SCHIP1: variants seen among roughly 807,000 people sequenced by gnomAD.
SCHIP1 encodes schwannomin interacting protein 1, also known as schwannomin-interacting protein 1.
A neutral mutation model predicts 29.7 loss-of-function variants in SCHIP1; 8 were observed. The observed-to-expected ratio is 0.27, with a 90% confidence interval of 0.16 to 0.49. The LOEUF (loss-of-function observed/expected upper bound fraction) is 0.49, where lower values mean the gene tolerates loss of function less well. Among genes scored for constraint, SCHIP1 ranks in the 20% least tolerant of loss-of-function variants. The pLI is 0.99. For missense variants in SCHIP1, 193 were observed against 294.6 expected (o/e 0.66, Z 2.52); for synonymous variants, 76 against 94.9 (o/e 0.80, Z 1.16).
At chr3:159,329,699 T>A in the SCHIP1 span, among the ~76,000 whole-genome samples, 1 of 152,206 alleles carries the variant, frequency 6.6e-6, no homozygotes, top group African/African-American at 2.4e-5. Flanking sequence ...TAATCTTCCT[T>A]CCATTTTTAG....
At chr3:159,884,343 C>CTG (rs1248266404) in intron 2 of SCHIP1, among the ~76,000 whole-genome samples, 17 of 108,866 alleles carry the variant, frequency 1.6e-4, no homozygotes, top group South Asian at 7.2e-4. Flanking sequence ...ATATGTGTGT[C>CTG]TGTGTCTGTG....
chr3:159,595,807 T>A, the SCHIP1 span, among the ~76,000 whole-genome samples: 1 of 152,294 alleles, frequency 6.6e-6, no homozygotes, highest in East Asian at 1.9e-4. Flanking sequence ...ACTGAACTCA[T>A]CTGTCCTCAG....
At chr3:159,315,704 GA>G in the SCHIP1 span, among the ~76,000 whole-genome samples, 3 of 152,078 alleles carry the variant, frequency 2.0e-5, no homozygotes, top group Non-Finnish European at 2.9e-5. Context: ...AATAAGAAGG[GA>G]GAGATATTAA....
the SCHIP1 span, among the ~76,000 whole-genome samples, chr3:159,294,983 T>G: frequency 2.6e-5 from 4 of 152,008 alleles, no homozygotes; most frequent in Admixed American, 2.6e-4. Flanking sequence ...AGTCCTTACC[T>G]CATTACAATT....
the SCHIP1 span, among the ~76,000 whole-genome samples, chr3:159,317,798 C>T: frequency 2.6e-5 from 4 of 152,162 alleles, no homozygotes; most frequent in African/African-American, 9.7e-5. Context: ...TTCTGTGAGT[C>T]TATGGTTAGT....
chr3:159,425,092 A>G, the SCHIP1 span, among the ~76,000 whole-genome samples: 1 of 151,942 alleles, frequency 6.6e-6, no homozygotes, highest in Non-Finnish European at 1.5e-5. Context: ...AAATCATGCC[A>G]AAATGTAAAG....
At chr3:159,591,468 C>T in the SCHIP1 span, among the ~76,000 whole-genome samples, 1 of 152,280 alleles carries the variant, frequency 6.6e-6, no homozygotes, top group South Asian at 2.1e-4. Flanking sequence ...CACATGCACA[C>T]ATATGCTTAT....
the SCHIP1 span, among the ~76,000 whole-genome samples, chr3:159,496,914 A>G: frequency 6.6e-6 from 1 of 152,368 alleles, no homozygotes; most frequent in Admixed American, 6.5e-5. Context: ...TGCATGGAAT[A>G]CTATGCAGCC....
chr3:159,626,123 TAGATAGATA>T, the SCHIP1 span, among the ~76,000 whole-genome samples: 1 of 121,546 alleles, frequency 8.2e-6, no homozygotes, highest in Non-Finnish European at 1.5e-5. Context: ...GATAGATAGA[TAGATAGATA>T]GATAGATATA....
chr3:159,588,137 CCTTA>C, the SCHIP1 span, among the ~76,000 whole-genome samples: 2 of 152,114 alleles, frequency 1.3e-5, no homozygotes, highest in Non-Finnish European at 2.9e-5. Context: ...CCTGTTGTTT[CCTTA>C]CTTTTTAATG....
the SCHIP1 span, among the ~76,000 whole-genome samples, chr3:159,674,609 A>G: frequency 6.6e-6 from 1 of 151,340 alleles, no homozygotes; most frequent in African/African-American, 2.4e-5. Flanking sequence ...AAAAAAAAAA[A>G]AAAAAAAAAA....
chr3:159,595,431 A>G, the SCHIP1 span, among the ~76,000 whole-genome samples: 1 of 152,036 alleles, frequency 6.6e-6, no homozygotes. Context: ...AGTGGGTGCC[A>G]TGGAGGCTAG....
chr3:159,495,131 C>A, the SCHIP1 span, among the ~76,000 whole-genome samples: 1 of 152,168 alleles, frequency 6.6e-6, no homozygotes. Context: ...CTATCTATGA[C>A]AAACCCACAG....
At chr3:159,759,654 G>A in the SCHIP1 span, among the ~76,000 whole-genome samples, 2 of 152,266 alleles carry the variant, frequency 1.3e-5, no homozygotes, top group South Asian at 4.1e-4. Flanking sequence ...TTACCCCACA[G>A]GGCTGTTAAA....
intron 6 of SCHIP1, among the ~76,000 whole-genome samples, chr3:159,894,999 T>C (rs1717918579): frequency 6.6e-6 from 1 of 152,224 alleles, no homozygotes; most frequent in African/African-American, 2.4e-5. Flanking sequence ...AGCATGTACA[T>C]AGTAGTATAT....
At chr3:159,492,148 G>A in the SCHIP1 span, among the ~76,000 whole-genome samples, 1 of 152,030 alleles carries the variant, frequency 6.6e-6, no homozygotes, top group Non-Finnish European at 1.5e-5. Flanking sequence ...CAAAGATAGG[G>A]GAAAAAACAG....
chr3:159,532,440 T>C, the SCHIP1 span, among the ~76,000 whole-genome samples: 2 of 152,304 alleles, frequency 1.3e-5, no homozygotes, highest in South Asian at 4.1e-4. Flanking sequence ...ATGTGTGCAC[T>C]GCAAATGCAA....
the SCHIP1 span, among the ~76,000 whole-genome samples, chr3:159,626,207 GATAT>G: frequency 7.0e-5 from 8 of 114,342 alleles, no homozygotes; most frequent in Admixed American, 4.9e-4. Flanking sequence ...TAGATAGATA[GATAT>G]ATCTAGATAT....
chr3:159,654,655 C>T, the SCHIP1 span, among the ~76,000 whole-genome samples: 1 of 151,948 alleles, frequency 6.6e-6, no homozygotes, highest in Non-Finnish European at 1.5e-5. Flanking sequence ...TGTATGTGAG[C>T]TCCACAGAGG....
Sources: gnomAD v4.1 joint callset for allele counts (sites outside exome capture counted in the v4.1 genomes callset) on GRCh38, gnomAD v4.1.1 for gene constraint, MANE v1.5 for transcripts, NCBI Gene and HGNC (gene_info 2026-07-23, HGNC 2026-07-21) for gene names.